Variants in FANCI observed in about 807,000 individuals in gnomAD.
FANCI encodes the protein FA complementation group I, also known as Fanconi anemia group I protein.
FANCI carries 156 observed loss-of-function variants against 176.1 expected under a neutral mutation model. The observed-to-expected ratio is 0.89, with a 90% CI of 0.78 to 1.01. The LOEUF (loss-of-function observed/expected upper bound fraction) is 1.01. Ranked by LOEUF, FANCI falls within the 50% of genes least tolerant of loss-of-function variation. The pLI, the probability that FANCI is intolerant of heterozygous loss-of-function variation, is 0.00. For missense variants in FANCI, 1,678 were observed against 1,534.1 expected (o/e 1.09, Z -1.57); for synonymous variants, 613 against 541.7 (o/e 1.13, Z -1.83).
chr15:89,246,576 G>A (rs538568569), intron 1 of FANCI, among the ~76,000 whole-genome samples: 6 of 151,906 alleles, frequency 3.9e-5, no homozygotes, highest in South Asian at 2.1e-4. Flanking sequence ...CTCATTTCCC[G>A]TATGAATGCC....
intron 17 of FANCI, 107 bp from the exon 18 acceptor site, chr15:89,284,989 C>A: frequency 2.3e-6 from 3 of 1,325,202 alleles, no homozygotes; most frequent in South Asian, 1.2e-5. Flanking sequence ...TGGGGTTTGG[C>A]ATGTGGAGGA....
chr15:89,276,563 CA>C (rs759297784), intron 12 of FANCI, 147 bp from the exon 13 acceptor site: 9 of 810,854 alleles, frequency 1.1e-5, no homozygotes, highest in Non-Finnish European at 1.8e-5. Flanking sequence ...AGAATTCTGT[CA>C]GACGATGTGT....
intron 24 of FANCI, among the ~76,000 whole-genome samples, chr15:89,296,522 G>C (rs112885569): frequency 2.1e-4 from 32 of 152,292 alleles, no homozygotes; most frequent in African/African-American, 7.7e-4. Flanking sequence ...TAAGGTCACA[G>C]ATCAACAGGA....
intron 10 of FANCI, among the ~76,000 whole-genome samples, chr15:89,271,787 T>G (rs2053209232): frequency 6.6e-6 from 1 of 152,210 alleles, no homozygotes; most frequent in Non-Finnish European, 1.5e-5. Flanking sequence ...ATCAGGCTCA[T>G]TTCTTTTTAT....
intron 10 of FANCI, 178 bp downstream of exon 10, chr15:89,268,703 C>G: frequency 1.5e-6 from 1 of 673,324 alleles, no homozygotes; most frequent in Non-Finnish European, 2.4e-6. Flanking sequence ...ACCACACTCC[C>G]TTTTTTTTAA....
chr15:89,293,534 A>G (rs1246813324), intron 22 of FANCI, among the ~76,000 whole-genome samples: 1 of 152,128 alleles, frequency 6.6e-6, no homozygotes, highest in Non-Finnish European at 1.5e-5. Context: ...TAATAATGTA[A>G]AACTTAGCCA....
intron 22 of FANCI, among the ~76,000 whole-genome samples, 167 bp downstream of exon 22, chr15:89,293,230 G>A (rs1031483163): frequency 4.6e-5 from 7 of 152,148 alleles, no homozygotes; most frequent in Non-Finnish European, 5.9e-5. Context: ...ACTAGAGAGC[G>A]CTGAAGTATA....
At chr15:89,293,089 G>C (rs1458385141) in intron 22 of FANCI, 26 bp downstream of exon 22, 1 of 1,609,212 alleles carries the variant, frequency 6.2e-7, no homozygotes, top group Non-Finnish European at 8.5e-7. Flanking sequence ...AACTCCATTT[G>C]TAATTTGATG....
chr15:89,281,114 T>C, intron 14 of FANCI, 56 bp from the exon 15 acceptor site: 5 of 1,582,358 alleles, frequency 3.2e-6, no homozygotes, highest in East Asian at 4.5e-5. Flanking sequence ...TATTTTTCTT[T>C]TATTTCAGTT....
At chr15:89,276,152 A>G (rs1014940478) in intron 12 of FANCI, among the ~76,000 whole-genome samples, 2 of 152,374 alleles carry the variant, frequency 1.3e-5, no homozygotes, top group East Asian at 3.9e-4. Context: ...ATTAAGTGGT[A>G]TAAAACCACC....
At chr15:89,249,522 A>AT (rs1267212517) in intron 2 of FANCI, among the ~76,000 whole-genome samples, 1 of 152,006 alleles carries the variant, frequency 6.6e-6, no homozygotes, top group Non-Finnish European at 1.5e-5. Context: ...TAATTTTTGT[A>AT]TTTTTAGCAG....
Position 89,258,695 on chromosome 15 carries a change from T to C in FANCI, c.85-9T>C. 6.2e-7 allele frequency: 1 copy of C among 1,611,312 alleles called. No homozygotes were observed. Among genetic ancestry groups the C allele is most frequent in the South Asian group, 1.1e-5 (1 of 91,032 alleles). The stretch of plus-strand genomic sequence containing the variant: ...TGCCAGAGACTTGTACCTTTTTCTT[T>C]CTTTGCAGTTGACTAATCTCCTTCA... On this transcript the variant is annotated splice_polypyrimidine_tract_variant and intron_variant, in intron 2 of 37. Transcript: ENST00000310775.
chr15:89,291,367 C>T (rs962673661), intron 19 of FANCI, among the ~76,000 whole-genome samples: 5 of 152,106 alleles, frequency 3.3e-5, no homozygotes, highest in Non-Finnish European at 5.9e-5. Flanking sequence ...ATGTTGATTG[C>T]ATGTACAAGT....
chr15:89,253,454 A>G (rs2052349622), intron 2 of FANCI, among the ~76,000 whole-genome samples: 1 of 152,126 alleles, frequency 6.6e-6, no homozygotes, highest in Non-Finnish European at 1.5e-5. Context: ...TTCAGATTAC[A>G]GTGAGCTATG....
chr15:89,287,006 A>T (rs573091439), intron 18 of FANCI, among the ~76,000 whole-genome samples: 8 of 41,654 alleles, frequency 1.9e-4, no homozygotes, highest in Non-Finnish European at 3.5e-4. Context: ...TTTGAGTCTC[A>T]CTCTGTCACA....
chr15:89,314,793 GAA>G (rs1475661694), intron 36 of FANCI, 86 bp downstream of exon 36: 3 of 899,752 alleles, frequency 3.3e-6, no homozygotes, highest in Admixed American at 1.9e-5. Context: ...TACAATGGAG[GAA>G]AAGAGACTCT....
At chr15:89,292,321 G>C (rs961384655) in intron 20 of FANCI, among the ~76,000 whole-genome samples, 2 of 152,114 alleles carry the variant, frequency 1.3e-5, no homozygotes, top group Admixed American at 1.3e-4. Flanking sequence ...ATGCTGTGTT[G>C]GTCTCCTAAA....
chr15:89,261,865 C>T lies in FANCI; in HGVS notation c.490C>T (p.Leu164=), dbSNP rs1385014199. Residue 164 remains leucine, a synonymous_variant, in exon 6 of 38, where the codon CTG becomes TTG. Coordinates refer to ENST00000310775, the MANE Select transcript of FANCI (RefSeq NM_001113378.2). ...ATGTAAGAAACAGTTGATTAACACC[C>T]TGTGTTCTGGCAGGTGAGTCTTGTT... is the stretch of plus-strand genomic sequence containing the variant. ...EECKKQLINT[L]CSGRWDQQYV... 5.0e-6 allele frequency: 8 copies of T among 1,613,848 alleles called. No homozygotes were observed. The African/African-American group carries it at 6.7e-5, about 13-fold the overall frequency.
chr15:89,309,843 TAC>T (rs2054886745), intron 34 of FANCI, among the ~76,000 whole-genome samples: 1 of 152,156 alleles, frequency 6.6e-6, no homozygotes, highest in African/African-American at 2.4e-5. Context: ...TTCCATAGAG[TAC>T]AGTTTGGGAA....
Sources: gnomAD v4.1 joint callset for allele counts (sites outside exome capture counted in the v4.1 genomes callset) on GRCh38, gnomAD v4.1.1 for gene constraint, MANE v1.5 for transcripts, NCBI Gene and HGNC (gene_info 2026-07-23, HGNC 2026-07-21) for gene names.